NRXN1: variants seen among roughly 807,000 people sequenced by gnomAD.
NRXN1 encodes the protein neurexin-1.
NRXN1 carries 39 observed loss-of-function variants against 150.9 expected under a neutral mutation model. That is an observed-to-expected ratio of 0.26 (90% confidence interval 0.20 to 0.34). NRXN1 has a LOEUF of 0.34. Ranked by LOEUF, NRXN1 falls within the 10% of genes least tolerant of loss-of-function variation. The pLI is 1.00. For missense variants in NRXN1, 1,815 were observed against 1,949.9 expected (o/e 0.93, Z 1.30); for synonymous variants, 924 against 757.0 (o/e 1.22, Z -3.62).
intron 2 of NRXN1, among the ~76,000 whole-genome samples, chr2:50,960,907 T>A (rs1174655447): frequency 1.3e-5 from 2 of 152,022 alleles, no homozygotes; most frequent in African/African-American, 4.8e-5. Context: ...AACTTCATAG[T>A]CAAAATATGA....
At chr2:50,190,368 T>A (rs539082118) in intron 18 of NRXN1, among the ~76,000 whole-genome samples, 1 of 152,110 alleles carries the variant, frequency 6.6e-6, no homozygotes, top group Non-Finnish European at 1.5e-5. Flanking sequence ...TGCATAAAAG[T>A]TTATTCTTGG....
intron 17 of NRXN1, among the ~76,000 whole-genome samples, chr2:50,391,653 A>G (rs1420569630): frequency 1.3e-5 from 2 of 152,112 alleles, no homozygotes; most frequent in Non-Finnish European, 2.9e-5. Flanking sequence ...TTAAGTTCCA[A>G]TGTACTAATA....
chr2:50,947,877 G>A (rs949761843), intron 2 of NRXN1, among the ~76,000 whole-genome samples: 6 of 151,720 alleles, frequency 4.0e-5, no homozygotes, highest in Admixed American at 3.9e-4. Flanking sequence ...TTCTCATCAC[G>A]CTGAGTATCA....
At chr2:50,696,204 GTGTGTGTGTA>G (rs891215217) in intron 5 of NRXN1, 8 of 151,262 alleles carry the variant, frequency 5.3e-5, no homozygotes, top group African/African-American at 1.7e-4. Context: ...GTGTGTGTGT[GTGTGTGTGTA>G]TGTATACACA....
At chr2:50,825,312 G>C (rs1440343968) in intron 5 of NRXN1, among the ~76,000 whole-genome samples, 1 of 152,166 alleles carries the variant, frequency 6.6e-6, no homozygotes, top group Non-Finnish European at 1.5e-5. Context: ...GTATGCTAAT[G>C]AATGTTTGCT....
intron 21 of NRXN1, among the ~76,000 whole-genome samples, chr2:49,976,015 G>T (rs945619356): frequency 1.6e-5 from 2 of 123,428 alleles, no homozygotes; most frequent in Non-Finnish European, 3.2e-5. Context: ...ATATGCGGAA[G>T]AATTTTTTTT....
intron 5 of NRXN1, among the ~76,000 whole-genome samples, chr2:50,719,380 G>A (rs1359419978): frequency 1.3e-5 from 2 of 151,836 alleles, no homozygotes; most frequent in East Asian, 3.9e-4. Flanking sequence ...TTTAAAATAA[G>A]TTTCGTTTTC....
intron 5 of NRXN1, among the ~76,000 whole-genome samples, chr2:50,831,577 T>G (rs1396935119): frequency 6.6e-6 from 1 of 152,200 alleles, no homozygotes; most frequent in East Asian, 1.9e-4. Flanking sequence ...TTTGTCAAAG[T>G]TCTTCAGAGT....
intron 5 of NRXN1, among the ~76,000 whole-genome samples, chr2:50,786,758 G>A (rs1705176030): frequency 6.6e-6 from 1 of 152,044 alleles, no homozygotes; most frequent in African/African-American, 2.4e-5. Context: ...ACATCCAGAT[G>A]CTATCATATT....
At chr2:50,473,235 C>A (rs1240907046) in intron 15 of NRXN1, among the ~76,000 whole-genome samples, 1 of 151,860 alleles carries the variant, frequency 6.6e-6, no homozygotes, top group Non-Finnish European at 1.5e-5. Flanking sequence ...GCTCTGAAAT[C>A]CGTTAACAAA....
At chr2:50,273,608 A>G (rs191580441) in intron 17 of NRXN1, among the ~76,000 whole-genome samples, 2 of 152,238 alleles carry the variant, frequency 1.3e-5, no homozygotes, top group East Asian at 3.9e-4. Context: ...TTAAAATAAC[A>G]ATAGAATTGA....
intron 19 of NRXN1, among the ~76,000 whole-genome samples, chr2:50,058,136 A>T (rs1693936109): frequency 6.6e-6 from 1 of 152,212 alleles, no homozygotes; most frequent in Admixed American, 6.5e-5. Context: ...TAATTGTGTG[A>T]TTGATATAGT....
chr2:50,448,781 T>C (rs901439577), intron 17 of NRXN1, among the ~76,000 whole-genome samples: 1 of 152,160 alleles, frequency 6.6e-6, no homozygotes, highest in Admixed American at 6.5e-5. Context: ...ATCCAGATCA[T>C]AATTACAGGA....
chr2:50,520,614 T>C (rs1278855349), intron 12 of NRXN1, among the ~76,000 whole-genome samples: 1 of 151,992 alleles, frequency 6.6e-6, no homozygotes, highest in Non-Finnish European at 1.5e-5. Context: ...GAGATGCTGA[T>C]TACTTCTTCA....
rs566506107 is a variant in NRXN1 at position 50,561,251 on chromosome 2, C to G, written c.1321-8226G>C. ...TGGGTTAGCAGCTCTATTTATGAAG[C>G]TTTCAGTGCATATGAGTATGTAGCA... On this transcript the variant is annotated intron_variant, in intron 8 of 22. Coordinates refer to ENST00000401669, the MANE Select transcript of NRXN1 (RefSeq NM_001330078.2). Among the ~76,000 whole-genome samples, 3 of 152,298 alleles carry G rather than the reference C, an allele frequency of 2.0e-5. No individual in the cohort carries two copies. The East Asian group carries it at 5.8e-4, about 29-fold the overall frequency.
chr2:50,247,685 G>A (rs988708611), intron 17 of NRXN1, among the ~76,000 whole-genome samples: 1 of 152,058 alleles, frequency 6.6e-6, no homozygotes, highest in Non-Finnish European at 1.5e-5. Context: ...GAAAGACTAA[G>A]GAACTGTCCT....
intron 21 of NRXN1, among the ~76,000 whole-genome samples, chr2:50,007,298 A>G (rs1273193771): frequency 6.6e-6 from 1 of 152,046 alleles, no homozygotes; most frequent in African/African-American, 2.4e-5. Flanking sequence ...GTGAGCTTTG[A>G]TCCCACCACT....
chr2:50,377,160 G>A (rs2080571568), intron 17 of NRXN1, among the ~76,000 whole-genome samples: 1 of 152,030 alleles, frequency 6.6e-6, no homozygotes, highest in African/African-American at 2.4e-5. Context: ...AGGCAAACAT[G>A]TGCGATGGTG....
intron 2 of NRXN1, among the ~76,000 whole-genome samples, chr2:51,006,668 T>C (rs977333315): frequency 2.0e-5 from 3 of 151,966 alleles, no homozygotes; most frequent in African/African-American, 7.2e-5. Flanking sequence ...CCCCTTAATA[T>C]AGTTACAAGG....
Sources: allele counts gnomAD v4.1 joint callset (sites outside exome capture counted in the v4.1 genomes callset), GRCh38; gene constraint gnomAD v4.1.1; transcripts MANE v1.5; gene names NCBI Gene and HGNC (gene_info 2026-07-23, HGNC 2026-07-21).